ZP1: variants seen among roughly 807,000 people sequenced by gnomAD.
ZP1 encodes zona pellucida sperm-binding protein 1.
Under a neutral mutation model 67.4 loss-of-function variants are expected in ZP1, and 58 were observed. That is an observed-to-expected ratio of 0.86 (90% CI 0.70 to 1.07). The LOEUF (loss-of-function observed/expected upper bound fraction) is 1.07. ZP1 is among the 50% of genes least tolerant of loss of function. ZP1 has a pLI of 0.00. For synonymous variants in ZP1, 333 were observed against 332.7 expected (o/e 1.00, Z -0.01); for missense variants, 759 against 807.3 (o/e 0.94, Z 0.72).
Position 60,873,196 on chromosome 11 carries a change from T to C in ZP1, c.1147T>C (p.Phe383Leu). The C allele has an allele frequency of 6.2e-7, 1 of 1,606,786 alleles. No individual in the cohort carries two copies. The highest frequency in any genetic ancestry group is 1.7e-4 in the Middle Eastern group (1 of 6,022). ...GCGCTGTGTCTTCAACGCCAGTGACTTCCTGCCCATTCAGGCATCCATTTT... is the reference window on the plus strand; with the variant it reads ...GCGCTGTGTCTTCAACGCCAGTGACCTCCTGCCCATTCAGGCATCCATTTT... The part of the protein sequence containing the change: ...HVRCVFNASD[F>L]LPIQASIFPP... The change falls in exon 7 of 12, where the codon TTC (phenylalanine) becomes CTC (leucine). Residue 383 changes from phenylalanine (F) to leucine (L), a missense_variant. By Grantham distance (22) the Phe-to-Leu change is conservative. Transcript: ENST00000278853.
intron 1 of ZP1, among the ~76,000 whole-genome samples, chr11:60,868,525 T>C (rs529869125): frequency 6.6e-6 from 1 of 152,312 alleles, no homozygotes; most frequent in African/African-American, 2.4e-5. Flanking sequence ...CTCTGTTTCC[T>C]CATCTGCAAG....
chr11:60,870,584 C>T lies in ZP1; in HGVS notation c.826+109C>T, dbSNP rs1487518356. 3.3e-5 allele frequency: 48 copies of T among 1,437,718 alleles called. No homozygotes were observed. In the Middle Eastern group the frequency reaches 2.0e-3, roughly 60 times the overall value. 89.1% of individuals were successfully genotyped at this position (1,437,718 alleles called of 1,614,324 possible). On this transcript the variant is annotated intron_variant, in intron 4 of 11. Transcript: ENST00000278853. The stretch of plus-strand genomic sequence containing the variant: ...GCTTCCTATCCTCCTCCTGGAGAGC[C>T]CAACTCCCAGAGCAGATGGCAGAGG...
In ZP1 at chr11:60,870,394, A is replaced by C. The variant is rs780113325; in HGVS notation, c.745A>C (p.Arg249=). 3.1e-6 allele frequency: 5 copies of C among 1,613,530 alleles called. No homozygotes were observed. In the Admixed American group the frequency reaches 8.3e-5, roughly 27 times the overall value. Residue 249 remains arginine (R), a synonymous_variant, in exon 4 of 12, where the codon AGA becomes CGA. Coordinates refer to ENST00000278853, the MANE Select transcript of ZP1 (RefSeq NM_207341.4). ...AGGGCACCTCCCCTGCATCGTGAGAAGAACTTCAAAAGAAGCCTGTCAGCA... is the reference window on the plus strand; with the variant it reads ...AGGGCACCTCCCCTGCATCGTGAGACGAACTTCAAAAGAAGCCTGTCAGCA... ...ASGHLPCIVR[R]TSKEACQQAG... is the part of the protein sequence containing the mutation.
Position 60,875,189 on chromosome 11 carries a change from C to T in ZP1, c.1715C>T (p.Ser572Phe), listed in dbSNP as rs758992286. 1.4e-5 allele frequency: 22 copies of T among 1,613,718 alleles called. No homozygotes were observed. The South Asian group carries it at 2.3e-4, about 17-fold the overall frequency. Residue 572 changes from serine to phenylalanine, a missense_variant, in exon 11 of 12, where the codon TCT becomes TTT. Transcript: ENST00000278853. The part of the protein sequence containing the change: ...DTARPQDIVS[S>F]PGPVGFEDSY... Reference sequence around the variant, plus strand: ...GCCAGGCCCCAGGACATCGTGAGCTCTCCGGGGCCAGTGGGCTTTGAGGAT... The same window carrying T: ...GCCAGGCCCCAGGACATCGTGAGCTTTCCGGGGCCAGTGGGCTTTGAGGAT...
At chr11:60,868,023 C>A (rs1372962428) in intron 1 of ZP1, among the ~76,000 whole-genome samples, 2 of 146,656 alleles carry the variant, frequency 1.4e-5, no homozygotes, top group East Asian at 2.0e-4. Context: ...CAGGGCCAAG[C>A]CTCTGCATTT....
intron 9 of ZP1, 113 bp from the exon 10 acceptor site, chr11:60,874,820 T>C (rs2134839987): frequency 1.0e-6 from 1 of 972,200 alleles, no homozygotes; most frequent in Non-Finnish European, 1.6e-6. Flanking sequence ...TCTCCCTGCC[T>C]GGCTAGCAGC....
chr11:60,867,604 C>G lies in ZP1; in HGVS notation c.43C>G (p.Leu15Val). The G allele has an allele frequency of 1.9e-6, 3 of 1,613,468 alleles. No individual in the cohort carries two copies. Among genetic ancestry groups the G allele is most frequent in the Non-Finnish European group, 2.5e-6 (3 of 1,179,620 alleles). ...CACGACCTGGGGTTACCCTGTGGCC[C>G]TGCTACTGCTGGTTGCCACCCTGGG... ...SATTWGYPVALLLLVATLGLG... is the reference protein window; with the variant it reads ...SATTWGYPVAVLLLVATLGLG... Residue 15 changes from leucine to valine, a missense_variant, in exon 1 of 12, where the codon CTG becomes GTG. Coordinates refer to ENST00000278853, the MANE Select transcript of ZP1 (RefSeq NM_207341.4).
chr11:60,871,122 C>T lies in ZP1; in HGVS notation c.992C>T (p.Thr331Ile). 1 of 1,614,070 alleles carries T rather than the reference C, an allele frequency of 6.2e-7. No individual in the cohort carries two copies. The highest frequency in any genetic ancestry group is 1.7e-5 in the Admixed American group (1 of 60,028). ...EAFVVFYFPL[T>I]HCGTTMQVAG... The stretch of plus-strand genomic sequence containing the variant: ...TTCGTGGTCTTCTACTTCCCTCTCA[C>T]CCACTGTGGAACCACAATGCAGGTA... Residue 331 changes from threonine to isoleucine, a missense_variant, in exon 5 of 12, where the codon ACC becomes ATC. By Grantham distance (89) the Thr-to-Ile change is moderately conservative (BLOSUM62 -1). Transcript: ENST00000278853.
chr11:60,868,102 AGTT>A (rs1855504105), intron 1 of ZP1, among the ~76,000 whole-genome samples: 1 of 148,294 alleles, frequency 6.7e-6, no homozygotes, highest in Non-Finnish European at 1.5e-5. Flanking sequence ...GCTTGAGTGC[AGTT>A]GGCACGATCT....
chr11:60,868,535 G>C (rs1042546289), intron 1 of ZP1, among the ~76,000 whole-genome samples: 1 of 152,202 alleles, frequency 6.6e-6, no homozygotes, highest in Non-Finnish European at 1.5e-5. Flanking sequence ...TCATCTGCAA[G>C]GTGGGGAAGA....
intron 6 of ZP1, among the ~76,000 whole-genome samples, chr11:60,872,461 A>G (rs7943382): frequency 0.38 from 57,030 of 152,022 alleles, 10,827 homozygotes; most frequent in Middle Eastern, 0.42. Context: ...TCTCCTTGGT[A>G]CCAGGCCTCT....
chr11:60,870,523 CGGAA>C, intron 4 of ZP1, 48 bp downstream of exon 4: 1 of 1,543,090 alleles, frequency 6.5e-7, no homozygotes, highest in Non-Finnish European at 8.7e-7. Context: ...GATTCTGAAG[CGGAA>C]GGAGAGCTGT....
Position 60,867,688 on chromosome 11 carries a change from T to C in ZP1, c.127T>C (p.Cys43Arg). Residue 43 changes from cysteine to arginine, a missense_variant, in exon 1 of 12, where the codon TGT becomes CGT. Transcript: ENST00000278853. ...CCCAGGCCTCCGGCACAGCTACGAC[T>C]GTGGGATCAAGGGAATGCAGCTGCT... ...GLPGLRHSYD[C>R]GIKGMQLLVF... is the part of the protein sequence containing the mutation. The C allele has an allele frequency of 6.2e-7, 1 of 1,614,064 alleles. No homozygotes were observed. Among genetic ancestry groups the C allele is most frequent in the South Asian group, 1.1e-5 (1 of 91,070 alleles).
At position 60,869,643 on chromosome 11, in the gene ZP1, G is replaced by T; in HGVS notation, c.425G>T (p.Arg142Leu). The T allele has an allele frequency of 6.2e-7, 1 of 1,614,050 alleles. No individual in the cohort carries two copies. The highest frequency in any genetic ancestry group is 1.3e-5 in the African/African-American group (1 of 74,970). ...ATCTGTCCCAAACCTGACCCCTCCCGGACTCTGGACTCCCAGCTGGCACCA... is the reference window on the plus strand; with the variant it reads ...ATCTGTCCCAAACCTGACCCCTCCCTGACTCTGGACTCCCAGCTGGCACCA... ...TLICPKPDPS[R>L]TLDSQLAPPA... The change falls in exon 3 of 12, where the codon CGG (arginine) becomes CTG (leucine). Residue 142 changes from arginine (R) to leucine (L), a missense_variant. Coordinates refer to ENST00000278853, the MANE Select transcript of ZP1 (RefSeq NM_207341.4).
chr11:60,869,919 T>A lies in ZP1; in HGVS notation c.682+19T>A. The A allele has an allele frequency of 6.5e-7, 1 of 1,529,296 alleles. No individual in the cohort carries two copies. Among genetic ancestry groups the A allele is most frequent in the South Asian group, 1.3e-5 (1 of 77,144 alleles). The allele number at this position is 1,529,296 out of a possible 1,614,324, so 94.7% of individuals were successfully genotyped here. A position where few individuals can be genotyped will look rare whatever the true frequency, so the allele number is the denominator to read the frequency against. ...TACATAGGTACGCAGGACATCTGAG[T>A]GTACTTACCCTCTGTCTGGGGACTT... On this transcript the variant is annotated intron_variant, in intron 3 of 11. Transcript: ENST00000278853.
At chr11:60,870,540 C>A in intron 4 of ZP1, 65 bp downstream of exon 4, 1 of 1,518,660 alleles carries the variant, frequency 6.6e-7, no homozygotes. Context: ...AGAGCTGTCT[C>A]CTCCAGCTGG....
At chr11:60,868,684 G>A (rs894436166) in intron 1 of ZP1, among the ~76,000 whole-genome samples, 1 of 152,174 alleles carries the variant, frequency 6.6e-6, no homozygotes, top group Non-Finnish European at 1.5e-5. Context: ...AGTTAACCTG[G>A]GAAATGGGTT....
intron 1 of ZP1, 71 bp from the exon 2 acceptor site, chr11:60,869,074 C>T: frequency 1.9e-6 from 3 of 1,589,762 alleles, no homozygotes; most frequent in Non-Finnish European, 2.6e-6. Flanking sequence ...AGTGGGAACT[C>T]CTTCCGAGAC....
chr11:60,871,503 T>C (rs1188993402), intron 6 of ZP1, among the ~76,000 whole-genome samples, 189 bp downstream of exon 6: 1 of 152,214 alleles, frequency 6.6e-6, no homozygotes, highest in African/African-American at 2.4e-5. Flanking sequence ...TGTCCCTCTC[T>C]CAGGGCAGAC....
Sources: allele counts gnomAD v4.1 joint callset (sites outside exome capture counted in the v4.1 genomes callset), GRCh38; gene constraint gnomAD v4.1.1; transcripts MANE v1.5; gene names NCBI Gene and HGNC (gene_info 2026-07-23, HGNC 2026-07-21).